Variants in RERE observed in about 807,000 individuals in gnomAD.
RERE encodes arginine-glutamic acid dipeptide repeats.
A neutral mutation model predicts 146.1 loss-of-function variants in RERE; 40 were observed. That is an observed-to-expected ratio of 0.27 (90% CI 0.21 to 0.36). RERE has a LOEUF of 0.36. Ranked by LOEUF, RERE falls within the 10% of genes least tolerant of loss-of-function variation. The probability of loss-of-function intolerance (pLI) is 1.00; values close to 1 mark genes in which losing one functional copy is unlikely to be tolerated. For missense variants in RERE, 1,933 were observed against 2,138.7 expected (o/e 0.90, Z 1.90); for synonymous variants, 1,003 against 866.0 (o/e 1.16, Z -2.78).
At chr1:8,493,924 G>T (rs1211863333) in intron 10 of RERE, among the ~76,000 whole-genome samples, 1 of 152,120 alleles carries the variant, frequency 6.6e-6, no homozygotes, top group East Asian at 1.9e-4. Flanking sequence ...ATTATTTCAT[G>T]TAACTTTAAA....
At chr1:8,613,372 A>C (rs1005695927) in intron 4 of RERE, among the ~76,000 whole-genome samples, 1 of 152,074 alleles carries the variant, frequency 6.6e-6, no homozygotes, top group Non-Finnish European at 1.5e-5. Context: ...TCATCTTCTC[A>C]CAACTCCCAG....
rs776882997 is a variant in RERE at position 8,352,785 on chromosome 1, G to C, written c.*2302C>G. The stretch of plus-strand genomic sequence containing the variant: ...CTGTAGTTTATCTGGTGAGGGTTTC[G>C]GGTCGAGGGTTTTTTAGATGGAAGA... On this transcript the variant is annotated 3_prime_UTR_variant, in exon 23 of 23. Coordinates refer to ENST00000400908, the MANE Select transcript of RERE (RefSeq NM_001042681.2). The C allele has an allele frequency of 6.6e-6, 1 of 152,392 alleles. No individual in the cohort carries two copies. Among genetic ancestry groups the C allele is most frequent in the Non-Finnish European group, 1.5e-5 (1 of 68,052 alleles). The allele number at this position is 152,392 out of a possible 1,614,324, so 9.4% of individuals were successfully genotyped here. A position where few individuals can be genotyped will look rare whatever the true frequency, so the allele number is the denominator to read the frequency against.
At chr1:8,648,657 G>T (rs564825492) in intron 2 of RERE, among the ~76,000 whole-genome samples, 4 of 152,234 alleles carry the variant, frequency 2.6e-5, no homozygotes, top group East Asian at 1.9e-4. Flanking sequence ...TGCATCAAAA[G>T]AAAATAACAC....
At position 8,783,239 on chromosome 1, in the gene RERE, G is replaced by T. The variant is rs1322474921; in HGVS notation, c.-145+33921C>A. Among the ~76,000 whole-genome samples, 7 of 152,120 alleles carry T rather than the reference G, an allele frequency of 4.6e-5. No homozygotes were observed. The South Asian group carries it at 1.4e-3, about 31-fold the overall frequency. On this transcript the variant is annotated intron_variant, in intron 1 of 22. Coordinates refer to ENST00000400908, the MANE Select transcript of RERE (RefSeq NM_001042681.2). ...ATTCCCATCTACTTGGGAGGCTGAG[G>T]TAGAAGGATCACCTGAGCCAGGGAG...
intron 12 of RERE, among the ~76,000 whole-genome samples, chr1:8,369,849 G>T (rs1333337416): frequency 6.6e-6 from 1 of 152,008 alleles, no homozygotes; most frequent in South Asian, 2.1e-4. Context: ...GAGTGCAGTG[G>T]CACGATCTCG....
At chr1:8,653,429 CAGGCGCGATGGCTCACGCCT>C (rs1170249986) in intron 2 of RERE, among the ~76,000 whole-genome samples, 11 of 152,106 alleles carry the variant, frequency 7.2e-5, no homozygotes, top group African/African-American at 2.7e-4. Flanking sequence ...AAGAGTTGGC[CAGGCGCGATGGCTCACGCCT>C]GTAATCCCAG....
At chr1:8,598,256 G>A (rs989606102) in intron 4 of RERE, among the ~76,000 whole-genome samples, 3 of 152,166 alleles carry the variant, frequency 2.0e-5, no homozygotes, top group South Asian at 2.1e-4. Context: ...AAGCAGGAAC[G>A]AACATACGAG....
intron 1 of RERE, among the ~76,000 whole-genome samples, chr1:8,795,465 T>A (rs1191104454): frequency 6.6e-6 from 1 of 152,070 alleles, no homozygotes; most frequent in East Asian, 1.9e-4. Context: ...CAGCATGCAT[T>A]TTTATATTTT....
chr1:8,431,672 C>T (rs1243596621), intron 11 of RERE, among the ~76,000 whole-genome samples: 1 of 152,184 alleles, frequency 6.6e-6, no homozygotes, highest in Non-Finnish European at 1.5e-5. Context: ...ACACTGTTTA[C>T]TTAATTAACC....
chr1:8,438,325 A>G (rs1175973460), intron 11 of RERE, among the ~76,000 whole-genome samples: 1 of 152,210 alleles, frequency 6.6e-6, no homozygotes, highest in African/African-American at 2.4e-5. Context: ...TCAATATAGG[A>G]TAATTTTCAG....
chr1:8,599,832 T>C (rs561678364), intron 4 of RERE, among the ~76,000 whole-genome samples: 11 of 152,326 alleles, frequency 7.2e-5, no homozygotes, highest in African/African-American at 2.6e-4. Context: ...CAGAGCCTTT[T>C]CTGCCATGCA....
chr1:8,480,128 GTT>G (rs112068785), intron 10 of RERE, among the ~76,000 whole-genome samples: 27,297 of 134,476 alleles, frequency 0.2, 2,542 homozygotes, highest in African/African-American at 0.29. Context: ...GCCTTTTTTT[GTT>G]TTTTTTTTTT....
At position 8,374,690 on chromosome 1, in the gene RERE, A is replaced by G. The variant is rs143249496; in HGVS notation, c.1285-8716T>C. ...AAAGGTTCCTCAGGGCCTAAGGAACAAAGGCCCAGCTGCTTGACTACTTCT... is the reference window on the plus strand; with the variant it reads ...AAAGGTTCCTCAGGGCCTAAGGAACGAAGGCCCAGCTGCTTGACTACTTCT... On this transcript the variant is annotated intron_variant, in intron 12 of 22. Transcript: ENST00000400908. Among the ~76,000 whole-genome samples the G allele has an allele frequency of 2.1e-3, 327 of 152,332 alleles. 1 individual carries two copies. Among genetic ancestry groups the G allele is most frequent in the Non-Finnish European group, 1.4e-3 (92 of 68,016 alleles).
chr1:8,498,409 G>A (rs1010116846), intron 8 of RERE, among the ~76,000 whole-genome samples: 1 of 150,724 alleles, frequency 6.6e-6, no homozygotes, highest in Non-Finnish European at 1.5e-5. Flanking sequence ...TTTATATATA[G>A]TTGAGGCTGG....
At chr1:8,624,410 T>C (rs1646950676) in intron 2 of RERE, 30 bp from the exon 3 acceptor site, 1 of 1,481,978 alleles carries the variant, frequency 6.7e-7, no homozygotes. Context: ...TTTAAAACAA[T>C]GGCATTTACC....
At chr1:8,799,834 T>C (rs1641552970) in intron 1 of RERE, among the ~76,000 whole-genome samples, 1 of 151,478 alleles carries the variant, frequency 6.6e-6, no homozygotes, top group South Asian at 2.1e-4. Context: ...TTTTTTAAGA[T>C]GGAGTCTCGC....
At chr1:8,725,557 T>A (rs1639945807) in intron 1 of RERE, among the ~76,000 whole-genome samples, 1 of 152,058 alleles carries the variant, frequency 6.6e-6, no homozygotes, top group African/African-American at 2.4e-5. Flanking sequence ...CAGAGTGAAA[T>A]TTTGTCTCAA....
intron 11 of RERE, among the ~76,000 whole-genome samples, chr1:8,461,595 G>C (rs1644527429): frequency 2.6e-5 from 4 of 152,170 alleles, no homozygotes; most frequent in Admixed American, 2.6e-4. Flanking sequence ...GATTTGAAGT[G>C]TCTCAGCCCC....
chr1:8,549,751 G>A (rs182790730), intron 6 of RERE, among the ~76,000 whole-genome samples: 2 of 152,214 alleles, frequency 1.3e-5, no homozygotes, highest in African/African-American at 2.4e-5. Flanking sequence ...CCAGTAATTA[G>A]ACATTATCAA....
Sources: gnomAD v4.1 joint callset for allele counts (sites outside exome capture counted in the v4.1 genomes callset) on GRCh38, gnomAD v4.1.1 for gene constraint, MANE v1.5 for transcripts, NCBI Gene and HGNC (gene_info 2026-07-23, HGNC 2026-07-21) for gene names.